NLGN1: variants seen among roughly 807,000 people sequenced by gnomAD.
NLGN1 encodes neuroligin-1.
NLGN1 carries 12 observed loss-of-function variants against 65.5 expected under a neutral mutation model. The observed-to-expected ratio is 0.18, with a 90% CI of 0.12 to 0.30. The LOEUF is 0.30. Among genes scored for constraint, NLGN1 ranks in the 10% least tolerant of loss-of-function variants. The probability of loss-of-function intolerance (pLI) is 1.00; values close to 1 mark genes in which losing one functional copy is unlikely to be tolerated. For missense variants in NLGN1, 750 were observed against 1,007.1 expected, an observed-to-expected ratio of 0.74 and a Z score of 3.46; for synonymous variants, 350 against 359.5, an observed-to-expected ratio of 0.97 and a Z score of 0.30.
chr3:173,492,548 C>T (rs151244946), intron 2 of NLGN1, among the ~76,000 whole-genome samples: 3 of 151,704 alleles, frequency 2.0e-5, no homozygotes, highest in African/African-American at 7.3e-5. Context: ...ATTTTCTAGG[C>T]AAGGTTGAAA....
intron 2 of NLGN1, among the ~76,000 whole-genome samples, chr3:173,482,526 T>C (rs1727467251): frequency 6.6e-6 from 1 of 151,918 alleles, no homozygotes; most frequent in Non-Finnish European, 1.5e-5. Context: ...CATTTCTTGA[T>C]TTTTCTCAAA....
chr3:174,115,970 A>G (rs1716318382), intron 4 of NLGN1, among the ~76,000 whole-genome samples: 2 of 152,190 alleles, frequency 1.3e-5, no homozygotes, highest in Non-Finnish European at 2.9e-5. Context: ...AAATGTTCCC[A>G]TAGTGAATTG....
At chr3:173,989,268 C>A (rs536265301) in intron 4 of NLGN1, among the ~76,000 whole-genome samples, 1 of 152,250 alleles carries the variant, frequency 6.6e-6, no homozygotes, top group East Asian at 1.9e-4. Flanking sequence ...GTACTCAGAA[C>A]AATCTAAGTC....
intron 3 of NLGN1, among the ~76,000 whole-genome samples, chr3:173,709,134 A>G (rs1768520142): frequency 6.6e-6 from 1 of 152,198 alleles, no homozygotes; most frequent in Non-Finnish European, 1.5e-5. Flanking sequence ...TTATGGCAGC[A>G]ATCACACTAA....
At chr3:173,759,768 G>A (rs982254505) in intron 3 of NLGN1, among the ~76,000 whole-genome samples, 2 of 151,760 alleles carry the variant, frequency 1.3e-5, no homozygotes, top group Admixed American at 1.3e-4. Flanking sequence ...TAGGATGTCA[G>A]CATTCTTATC....
At chr3:174,067,073 A>G (rs1372921515) in intron 4 of NLGN1, among the ~76,000 whole-genome samples, 4 of 152,106 alleles carry the variant, frequency 2.6e-5, no homozygotes, top group Non-Finnish European at 5.9e-5. Context: ...TTTCACTGAG[A>G]GAAGTTACCT....
chr3:173,506,542 A>T (rs114705397), intron 2 of NLGN1, among the ~76,000 whole-genome samples: 3,621 of 152,132 alleles, frequency 0.024, 55 homozygotes, highest in Middle Eastern at 0.048. Flanking sequence ...TACAGTTGTT[A>T]CAGGCATTTT....
chr3:174,202,466 AAT>A (rs1245566619), intron 4 of NLGN1, among the ~76,000 whole-genome samples: 6 of 150,074 alleles, frequency 4.0e-5, no homozygotes, highest in Middle Eastern at 3.4e-3. Flanking sequence ...AGAAAAAAAA[AAT>A]AAAACCCTGA....
Position 174,264,715 on chromosome 3 carries a change from G to A in NLGN1, c.647-10600G>A, listed in dbSNP as rs564499398. Among the ~76,000 whole-genome samples the A allele has an allele frequency of 5.7e-3, 859 of 152,026 alleles. 6 individuals are homozygous for A. Among genetic ancestry groups the A allele is most frequent in the African/African-American group, 0.018 (752 of 41,440 alleles). On this transcript the variant is annotated intron_variant, in intron 4 of 6. Transcript: ENST00000457714. Reference sequence around the variant, plus strand: ...GTCATTCTCCGTCCAGCTTTGTTCCGTTGCTGGTGAGGAGCTGCGTTCCTT... The same window carrying A: ...GTCATTCTCCGTCCAGCTTTGTTCCATTGCTGGTGAGGAGCTGCGTTCCTT...
chr3:173,967,635 A>G (rs944961971), intron 4 of NLGN1, among the ~76,000 whole-genome samples: 7 of 152,066 alleles, frequency 4.6e-5, no homozygotes, highest in East Asian at 1.9e-4. Context: ...CATGTTCTCT[A>G]TAATTTTTAC....
At chr3:173,446,883 C>T (rs1236226424) in intron 2 of NLGN1, among the ~76,000 whole-genome samples, 1 of 152,164 alleles carries the variant, frequency 6.6e-6, no homozygotes, top group Non-Finnish European at 1.5e-5. Flanking sequence ...TGTCTGTTCA[C>T]ATCCTTTGCC....
rs1369240859 is a variant in NLGN1 at position 173,461,875 on chromosome 3, C to G, written c.-321+26797C>G. On this transcript the variant is annotated intron_variant, in intron 2 of 6. Coordinates refer to ENST00000457714, the Ensembl canonical transcript of NLGN1. ...CTACTTAGTAGCTGTGACAGTTTTC[C>G]TAGTGCCTCAAATCTTCACCTGTAA... Among the ~76,000 whole-genome samples, 3 of 152,038 alleles carry G rather than the reference C, an allele frequency of 2.0e-5. No homozygotes were observed. In the East Asian group the frequency reaches 5.8e-4, roughly 29 times the overall value.
intron 4 of NLGN1, among the ~76,000 whole-genome samples, chr3:173,994,131 A>T (rs1389483603): frequency 6.6e-6 from 1 of 152,228 alleles, no homozygotes; most frequent in African/African-American, 2.4e-5. Context: ...TGTAAAATAC[A>T]GGGTCTCACT....
intron 1 of NLGN1, among the ~76,000 whole-genome samples, chr3:173,415,633 T>G (rs1713540613): frequency 6.6e-6 from 1 of 152,154 alleles, no homozygotes; most frequent in South Asian, 2.1e-4. Context: ...TAGAGTAGTA[T>G]TAAAGGACCA....
intron 3 of NLGN1, among the ~76,000 whole-genome samples, chr3:173,753,336 C>A (rs1776587768): frequency 6.6e-6 from 1 of 152,120 alleles, no homozygotes; most frequent in African/African-American, 2.4e-5. Flanking sequence ...CCAAACTCTT[C>A]TTTCTTCTAT....
intron 4 of NLGN1, among the ~76,000 whole-genome samples, chr3:174,089,658 C>T (rs1353071978): frequency 3.3e-5 from 5 of 152,200 alleles, no homozygotes; most frequent in Admixed American, 6.5e-5. Flanking sequence ...TATATTAACT[C>T]AAACAATCCT....
rs201591042 is a variant in NLGN1 at position 173,440,427 on chromosome 3, G to C, written c.-321+5349G>C. On this transcript the variant is annotated intron_variant, in intron 2 of 6. Coordinates refer to ENST00000457714, the Ensembl canonical transcript of NLGN1. ...GAAGGTTTTCCATTTACTTTGCCCA[G>C]ATCCATTAGAGAAATCACTATCTAT... Among the ~76,000 whole-genome samples the C allele has an allele frequency of 2.8e-4, 42 of 152,246 alleles. 2 individuals are homozygous for C. The East Asian group carries it at 7.9e-3, about 29-fold the overall frequency.
At chr3:174,175,642 A>G (rs2152740323) in intron 4 of NLGN1, among the ~76,000 whole-genome samples, 1 of 152,068 alleles carries the variant, frequency 6.6e-6, no homozygotes, top group Middle Eastern at 3.4e-3. Flanking sequence ...TGTTGATTCC[A>G]TCTCACACAC....
At chr3:173,796,948 C>T (rs573594049) in intron 3 of NLGN1, among the ~76,000 whole-genome samples, 6 of 152,168 alleles carry the variant, frequency 3.9e-5, no homozygotes, top group African/African-American at 7.2e-5. Flanking sequence ...ATTTTCTTTC[C>T]GTTTAAAATG....
Sources: allele counts gnomAD v4.1 joint callset (sites outside exome capture counted in the v4.1 genomes callset), GRCh38; gene constraint gnomAD v4.1.1; transcripts MANE v1.5; gene names NCBI Gene and HGNC (gene_info 2026-07-23, HGNC 2026-07-21).